MRE11: variants seen among roughly 807,000 people sequenced by gnomAD.
The protein encoded by MRE11 is double-strand break repair protein MRE11.
A neutral mutation model predicts 91.7 loss-of-function variants in MRE11; 62 were observed. That is an observed-to-expected ratio of 0.68 (90% CI 0.55 to 0.84). The LOEUF is 0.84. Ranked by LOEUF, MRE11 falls within the 40% of genes least tolerant of loss-of-function variation. The probability of loss-of-function intolerance (pLI) is 0.00; values close to 1 mark genes in which losing one functional copy is unlikely to be tolerated. For synonymous variants in MRE11, 273 were observed against 271.4 expected (o/e 1.01, Z -0.06); for missense variants, 796 against 852.9 (o/e 0.93, Z 0.83).
chr11:94,432,670 G>A (rs1179130919), intron 18 of MRE11, among the ~76,000 whole-genome samples: 1 of 152,194 alleles, frequency 6.6e-6, no homozygotes, highest in Non-Finnish European at 1.5e-5. Flanking sequence ...AGCCGGGCAT[G>A]GTGGCAGGGC....
chr11:94,482,832 G>A (rs1450832845), intron 4 of MRE11, among the ~76,000 whole-genome samples: 3 of 151,940 alleles, frequency 2.0e-5, no homozygotes, highest in African/African-American at 4.8e-5. Context: ...CAGCTACTCA[G>A]GAGGCTGAGG....
intron 16 of MRE11, among the ~76,000 whole-genome samples, chr11:94,439,262 A>G (rs979762765): frequency 2.0e-5 from 3 of 152,194 alleles, no homozygotes; most frequent in Non-Finnish European, 2.9e-5. Context: ...ACTACTTCAC[A>G]GGTATTCTGT....
chr11:94,441,755 T>C (rs1483400358), intron 16 of MRE11, among the ~76,000 whole-genome samples: 2 of 151,872 alleles, frequency 1.3e-5, no homozygotes, highest in Non-Finnish European at 2.9e-5. Context: ...GGCAGGAGGA[T>C]CACATGAAGC....
chr11:94,504,120 G>A, the MRE11 span, among the ~76,000 whole-genome samples: 1 of 152,202 alleles, frequency 6.6e-6, no homozygotes, highest in Admixed American at 6.5e-5. Flanking sequence ...CAAAAGGGCA[G>A]GGAGAACCTT....
intron 19 of MRE11, among the ~76,000 whole-genome samples, chr11:94,427,292 C>T (rs1945348881): frequency 6.6e-6 from 1 of 152,032 alleles, no homozygotes; most frequent in Admixed American, 6.6e-5. Flanking sequence ...AAAACAAAAA[C>T]GATATGATCA....
intron 7 of MRE11, 119 bp from the exon 8 acceptor site, chr11:94,471,878 C>G: frequency 1.3e-6 from 1 of 796,488 alleles, no homozygotes; most frequent in Admixed American, 2.4e-5. Context: ...TTCTATGTAC[C>G]AGAAAGTGTG....
chr11:94,449,119 C>T (rs1946025687), intron 14 of MRE11, among the ~76,000 whole-genome samples: 2 of 152,134 alleles, frequency 1.3e-5, no homozygotes, highest in Non-Finnish European at 1.5e-5. Context: ...CATTTCTAAG[C>T]TCTGTGATAC....
chr11:94,498,432 A>G (rs1401424472), upstream of MRE11: 7 of 1,613,820 alleles, frequency 4.3e-6, no homozygotes, highest in Non-Finnish European at 5.9e-6. Flanking sequence ...CTGAAAAACA[A>G]CTTGGAAGAA....
In MRE11 at chr11:94,447,286, T is replaced by G; in HGVS notation, c.1716A>C (p.Arg572=). The G allele has an allele frequency of 6.2e-7, 1 of 1,614,102 alleles. No individual in the cohort carries two copies. The highest frequency in any genetic ancestry group is 1.1e-5 in the South Asian group (1 of 91,086). The change falls in exon 15 of 20, where the codon CGA becomes CGC. Residue 572 remains arginine, a synonymous_variant. Coordinates refer to ENST00000323929, the MANE Select transcript of MRE11 (RefSeq NM_005591.4). ...ISAATNKGRG[R]GRGRRGGRGQ... is the part of the protein sequence containing the mutation. ...CTCTTCCACCTCTTCGACCTCTTCC[T>G]CGGCCTCTTCCTTTGTTGGTTGCTG...
intron 6 of MRE11, 102 bp downstream of exon 6, chr11:94,478,633 G>A (rs1054037583): frequency 2.2e-6 from 3 of 1,366,114 alleles, no homozygotes; most frequent in Non-Finnish European, 3.1e-6. Flanking sequence ...AAAGAATAAG[G>A]TTTGCCCCAT....
intron 14 of MRE11, 136 bp from the exon 15 acceptor site, chr11:94,447,574 ATCTCAGCAC>A (rs1420379299): frequency 1.1e-6 from 1 of 889,310 alleles, no homozygotes; most frequent in Non-Finnish European, 1.8e-6. Flanking sequence ...CACGCCTGTA[ATCTCAGCAC>A]TTTGGGAGGC....
chr11:94,416,703 A>T lies in MRE11; in HGVS notation c.*3422T>A, dbSNP rs1945037135. ...TACTAAAAATACAAAAAAAAAAAAA[A>T]AAAAATTAGCCAGGCGTGGTGGTGG... On this transcript the variant is annotated 3_prime_UTR_variant, in exon 20 of 20. Coordinates refer to ENST00000323929, the MANE Select transcript of MRE11 (RefSeq NM_005591.4). The T allele has an allele frequency of 6.6e-6, 1 of 150,894 alleles. No homozygotes were observed. Among genetic ancestry groups the T allele is most frequent in the Non-Finnish European group, 1.5e-5 (1 of 67,714 alleles). The allele number at this position is 150,894 out of a possible 1,614,324, so 9.3% of individuals were successfully genotyped here. A position where few individuals can be genotyped will look rare whatever the true frequency, so the allele number is the denominator to read the frequency against.
intron 19 of MRE11, 118 bp from the exon 20 acceptor site, chr11:94,420,299 T>C (rs543284337): frequency 1.3e-6 from 1 of 746,326 alleles, no homozygotes; most frequent in Non-Finnish European, 2.3e-6. Flanking sequence ...ATAGACTTTA[T>C]TTTTCTATTT....
intron 14 of MRE11, among the ~76,000 whole-genome samples, chr11:94,452,138 A>C (rs1237961228): frequency 6.7e-6 from 1 of 149,634 alleles, no homozygotes; most frequent in Non-Finnish European, 1.5e-5. Flanking sequence ...CAGAGGTTGC[A>C]GTGAGCTGAG....
intron 19 of MRE11, 111 bp from the exon 20 acceptor site, chr11:94,420,292 G>C (rs1326879750): frequency 2.5e-6 from 2 of 793,792 alleles, no homozygotes; most frequent in Admixed American, 4.2e-5. Context: ...ACATGGGATA[G>C]ACTTTATTTT....
intron 8 of MRE11, 138 bp from the exon 9 acceptor site, chr11:94,470,780 A>G (rs1946689160): frequency 1.1e-6 from 1 of 938,126 alleles, no homozygotes; most frequent in Non-Finnish European, 1.7e-6. Context: ...TGTTTCTGCT[A>G]ATTTAACCTT....
intron 2 of MRE11, 117 bp downstream of exon 2, chr11:94,492,665 G>C (rs756198772): frequency 2.1e-6 from 3 of 1,449,148 alleles, no homozygotes; most frequent in African/African-American, 2.8e-5. Context: ...TAATATTTCT[G>C]TTCATAAACA....
At chr11:94,440,569 TG>T (rs1244771703) in intron 16 of MRE11, among the ~76,000 whole-genome samples, 1 of 151,884 alleles carries the variant, frequency 6.6e-6, no homozygotes, top group Non-Finnish European at 1.5e-5. Context: ...ATTGGGAAAA[TG>T]TTAACATTGG....
chr11:94,439,798 A>C (rs905599727), intron 16 of MRE11, among the ~76,000 whole-genome samples: 5 of 152,244 alleles, frequency 3.3e-5, no homozygotes, highest in Non-Finnish European at 7.3e-5. Flanking sequence ...GAAAAACTTA[A>C]CATATTTGCT....
Sources: allele counts gnomAD v4.1 joint callset (sites outside exome capture counted in the v4.1 genomes callset), GRCh38; gene constraint gnomAD v4.1.1; transcripts MANE v1.5; gene names NCBI Gene and HGNC (gene_info 2026-07-23, HGNC 2026-07-21).